RABGAP1L: variants seen among roughly 807,000 people sequenced by gnomAD.
RABGAP1L encodes the protein rab GTPase-activating protein 1-like.
RABGAP1L carries 63 observed loss-of-function variants against 137.7 expected under a neutral mutation model. The ratio of observed to expected loss-of-function variants is 0.46; its 90% confidence interval spans 0.37 to 0.56. RABGAP1L has a LOEUF of 0.56. Ranked by LOEUF, RABGAP1L falls within the 20% of genes least tolerant of loss-of-function variation. The probability of loss-of-function intolerance (pLI) is 0.00; values close to 1 mark genes in which losing one functional copy is unlikely to be tolerated. For missense variants in RABGAP1L, 1,095 were observed against 1,244.0 expected, an observed-to-expected ratio of 0.88 and a Z score of 1.80; for synonymous variants, 431 against 433.7, an observed-to-expected ratio of 0.99 and a Z score of 0.08.
Position 174,550,891 on chromosome 1 carries a change from T to TACACACAC in RABGAP1L, c.1711-86483_1711-86482insCACACACA, listed in dbSNP as rs1214748528. 1.6e-3 allele frequency among the ~76,000 whole-genome samples: 139 copies of TACACACAC among 86,034 alleles called. 2 individuals are homozygous for TACACACAC. Among genetic ancestry groups the TACACACAC allele is most frequent in the East Asian group, 9.9e-3 (22 of 2,220 alleles). The allele number at this position is 86,034 out of a possible 152,430, so 56.4% of individuals were successfully genotyped here. On this transcript the variant is annotated intron_variant, in intron 13 of 25. Coordinates refer to ENST00000681986, the MANE Select transcript of RABGAP1L (RefSeq NM_001366446.1). ...ATATATATATATATATATATATATA[T>TACACACAC]ATATACACACACACATATACACACA...
intron 13 of RABGAP1L, among the ~76,000 whole-genome samples, chr1:174,569,134 C>T (rs540913993): frequency 2.0e-5 from 3 of 152,230 alleles, no homozygotes; most frequent in East Asian, 1.9e-4. Context: ...TCCTTTCTCA[C>T]CTTTTCCCCA....
At chr1:174,206,509 A>G (rs1189982787) in intron 1 of RABGAP1L, among the ~76,000 whole-genome samples, 47 of 152,110 alleles carry the variant, frequency 3.1e-4, no homozygotes, top group Admixed American at 3.1e-3. Context: ...TTCCCTTTCT[A>G]CTTTTGTTAT....
chr1:174,458,767 T>C (rs1055854669), intron 13 of RABGAP1L, among the ~76,000 whole-genome samples: 5 of 152,102 alleles, frequency 3.3e-5, no homozygotes, highest in Non-Finnish European at 7.4e-5. Flanking sequence ...CAGTAATAAT[T>C]AACATTGGAT....
intron 19 of RABGAP1L, among the ~76,000 whole-genome samples, chr1:174,833,449 G>GATATATATATATATATAT (rs760181639): frequency 0.015 from 426 of 27,754 alleles, 75 homozygotes; most frequent in South Asian, 0.064. Context: ...TGTGTGTAGA[G>GATATATATATATATATAT]ATATATATAT....
At chr1:174,969,049 T>C (rs1669909002) in intron 20 of RABGAP1L, among the ~76,000 whole-genome samples, 1 of 152,186 alleles carries the variant, frequency 6.6e-6, no homozygotes, top group South Asian at 2.1e-4. Flanking sequence ...TGAAGTTCCA[T>C]CTTGAGAGTT....
intron 11 of RABGAP1L, chr1:174,367,514 C>T (rs943545815): frequency 5.1e-6 from 1 of 195,022 alleles, no homozygotes; most frequent in Non-Finnish European, 1.1e-5. Flanking sequence ...TTTCTGATGG[C>T]TTAATTTATT....
chr1:174,421,233 G>A (rs1351790005), intron 13 of RABGAP1L, among the ~76,000 whole-genome samples: 7 of 152,110 alleles, frequency 4.6e-5, no homozygotes, highest in Non-Finnish European at 1.0e-4. Flanking sequence ...ATAGGCTTAT[G>A]TTACAACTGG....
At chr1:174,413,882 A>G (rs1650232478) in intron 13 of RABGAP1L, among the ~76,000 whole-genome samples, 1 of 152,118 alleles carries the variant, frequency 6.6e-6, no homozygotes, top group Admixed American at 6.6e-5. Flanking sequence ...CAGGCAGTGT[A>G]CTGATTCTTT....
intron 5 of RABGAP1L, among the ~76,000 whole-genome samples, chr1:174,248,622 A>G (rs1389733561): frequency 2.6e-5 from 4 of 152,206 alleles, no homozygotes; most frequent in South Asian, 2.1e-4. Context: ...GTTAATGGGT[A>G]TAAATGTGGC....
intron 17 of RABGAP1L, among the ~76,000 whole-genome samples, chr1:174,712,514 C>T (rs539990393): frequency 7.2e-5 from 11 of 152,286 alleles, no homozygotes; most frequent in African/African-American, 2.4e-4. Flanking sequence ...AAACTCCAGA[C>T]ACATCTGAAC....
intron 13 of RABGAP1L, among the ~76,000 whole-genome samples, chr1:174,437,886 C>T (rs932479264): frequency 2.0e-5 from 3 of 152,206 alleles, no homozygotes; most frequent in African/African-American, 7.2e-5. Flanking sequence ...AGAAACCCTA[C>T]AAGCCAGAAG....
At chr1:174,615,089 TTCTCCA>T (rs1671682417) in intron 13 of RABGAP1L, among the ~76,000 whole-genome samples, 1 of 152,248 alleles carries the variant, frequency 6.6e-6, no homozygotes, top group Non-Finnish European at 1.5e-5. Flanking sequence ...GTCAAAGTCA[TTCTCCA>T]TCCTGCTTTG....
At chr1:174,648,114 G>T (rs779820218) in intron 14 of RABGAP1L, among the ~76,000 whole-genome samples, 1 of 151,448 alleles carries the variant, frequency 6.6e-6, no homozygotes, top group Non-Finnish European at 1.5e-5. Flanking sequence ...ATTAATCTGG[G>T]TAATGTTCTA....
At chr1:174,635,151 T>C (rs1673872945) in intron 13 of RABGAP1L, among the ~76,000 whole-genome samples, 1 of 152,192 alleles carries the variant, frequency 6.6e-6, no homozygotes, top group Non-Finnish European at 1.5e-5. Flanking sequence ...TTTCTTTTCC[T>C]GAATCAGACT....
chr1:174,733,917 G>A (rs1475782024), intron 17 of RABGAP1L, among the ~76,000 whole-genome samples: 1 of 152,186 alleles, frequency 6.6e-6, no homozygotes, highest in Non-Finnish European at 1.5e-5. Flanking sequence ...GCTTAGGTAA[G>A]GGTGGGAGCA....
chr1:174,331,025 A>G (rs1232056705), intron 11 of RABGAP1L, among the ~76,000 whole-genome samples: 1 of 152,350 alleles, frequency 6.6e-6, no homozygotes, highest in Admixed American at 6.5e-5. Context: ...GAGTCCCGAA[A>G]TAAATTCAGG....
intron 1 of RABGAP1L, among the ~76,000 whole-genome samples, chr1:174,171,962 C>T (rs1424098418): frequency 1.3e-5 from 2 of 152,036 alleles, no homozygotes; most frequent in African/African-American, 4.8e-5. Context: ...GATTACACCA[C>T]TGCACTCCAG....
At chr1:174,199,060 A>T (rs970784958) in intron 1 of RABGAP1L, among the ~76,000 whole-genome samples, 1 of 152,108 alleles carries the variant, frequency 6.6e-6, no homozygotes, top group Non-Finnish European at 1.5e-5. Flanking sequence ...GTGAGCCAAG[A>T]TTGCGCCATT....
At chr1:174,257,954 T>C (rs998697904) in intron 7 of RABGAP1L, among the ~76,000 whole-genome samples, 1 of 152,194 alleles carries the variant, frequency 6.6e-6, no homozygotes, top group African/African-American at 2.4e-5. Context: ...GACTCATATA[T>C]CCAACAGTAA....
Sources: gnomAD v4.1 joint callset for allele counts (sites outside exome capture counted in the v4.1 genomes callset) on GRCh38, gnomAD v4.1.1 for gene constraint, MANE v1.5 for transcripts, NCBI Gene and HGNC (gene_info 2026-07-23, HGNC 2026-07-21) for gene names.